Variants in EXOC6B observed in about 807,000 individuals in gnomAD.
EXOC6B encodes the protein exocyst complex component 6B.
A neutral mutation model predicts 113.5 loss-of-function variants in EXOC6B; 54 were observed. That is an observed-to-expected ratio of 0.48 (90% CI 0.38 to 0.60). The LOEUF is 0.60. Among genes scored for constraint, EXOC6B ranks in the 20% least tolerant of loss-of-function variants. The pLI, the probability that EXOC6B is intolerant of heterozygous loss-of-function variation, is 0.00. For missense variants in EXOC6B, 797 were observed against 977.5 expected (o/e 0.82, Z 2.46); for synonymous variants, 357 against 339.0 (o/e 1.05, Z -0.58).
At chr2:72,748,537 C>T (rs532031070) in intron 1 of EXOC6B, among the ~76,000 whole-genome samples, 112 of 152,110 alleles carry the variant, frequency 7.4e-4, no homozygotes, top group African/African-American at 2.6e-3. Flanking sequence ...ACAGGAGAAG[C>T]ATATGCTAGT....
At chr2:72,542,901 T>C (rs537371030) in intron 8 of EXOC6B, among the ~76,000 whole-genome samples, 1 of 151,958 alleles carries the variant, frequency 6.6e-6, no homozygotes, top group South Asian at 2.1e-4. Context: ...TACAACCAAA[T>C]TAGGTTGTAG....
At chr2:72,390,147 A>C (rs1187085470) in intron 18 of EXOC6B, among the ~76,000 whole-genome samples, 1 of 152,104 alleles carries the variant, frequency 6.6e-6, no homozygotes, top group African/African-American at 2.4e-5. Flanking sequence ...CATGATTTCC[A>C]TGGCTATGTC....
chr2:72,357,111 A>G (rs1690008391), intron 19 of EXOC6B, among the ~76,000 whole-genome samples: 1 of 152,204 alleles, frequency 6.6e-6, no homozygotes, highest in Non-Finnish European at 1.5e-5. Context: ...ATCTCATCAC[A>G]CAGGTGTTTT....
At chr2:72,391,799 T>C (rs1375348389) in intron 18 of EXOC6B, among the ~76,000 whole-genome samples, 4 of 152,150 alleles carry the variant, frequency 2.6e-5, no homozygotes, top group Admixed American at 6.5e-5. Flanking sequence ...CCCAACTACT[T>C]GGAAAGCTAA....
intron 6 of EXOC6B, among the ~76,000 whole-genome samples, chr2:72,600,642 G>A (rs1036863922): frequency 4.0e-5 from 6 of 151,850 alleles, no homozygotes; most frequent in Admixed American, 6.6e-5. Flanking sequence ...TGGAACAGCC[G>A]GAAAGCCTCA....
At chr2:72,337,325 G>A (rs1054065706) in intron 19 of EXOC6B, among the ~76,000 whole-genome samples, 5 of 152,104 alleles carry the variant, frequency 3.3e-5, no homozygotes, top group African/African-American at 1.2e-4. Flanking sequence ...CATAACTCAA[G>A]TCTATGCTGT....
intron 2 of EXOC6B, among the ~76,000 whole-genome samples, chr2:72,734,292 G>A (rs144971075): frequency 6.6e-6 from 1 of 152,152 alleles, no homozygotes; most frequent in Non-Finnish European, 1.5e-5. Context: ...TAAAGTACCA[G>A]AAAGGGAGGC....
chr2:72,224,992 G>GTATATATATATATATATA lies in EXOC6B; in HGVS notation c.2197-40806_2197-40805insTATATATATATATATATA, dbSNP rs1325223051. On this transcript the variant is annotated intron_variant, in intron 20 of 21. Transcript: ENST00000272427. ...TACATCTCTCTCTGTATGTGTGTGT[G>GTATATATATATATATATA]TGTATATATATATAAATACACATAC... Among the ~76,000 whole-genome samples, 265 of 118,182 alleles carry GTATATATATATATATATA rather than the reference G, an allele frequency of 2.2e-3. 2 individuals are homozygous for GTATATATATATATATATA. Among genetic ancestry groups the GTATATATATATATATATA allele is most frequent in the African/African-American group, 6.9e-3 (242 of 35,060 alleles). The allele number at this position is 118,182 out of a possible 152,430, so 77.5% of individuals were successfully genotyped here. A position where few individuals can be genotyped will look rare whatever the true frequency, so the allele number is the denominator to read the frequency against.
intron 1 of EXOC6B, among the ~76,000 whole-genome samples, chr2:72,785,214 G>C (rs571784971): frequency 6.6e-6 from 1 of 152,332 alleles, no homozygotes; most frequent in African/African-American, 2.4e-5. Flanking sequence ...GCAGGGTACA[G>C]CCTCCCTCTC....
At chr2:72,195,637 T>C (rs979991361) in intron 20 of EXOC6B, among the ~76,000 whole-genome samples, 2 of 152,110 alleles carry the variant, frequency 1.3e-5, no homozygotes, top group African/African-American at 2.4e-5. Context: ...GTGGCTTAAA[T>C]AAAATCCCTG....
At chr2:72,237,146 A>G (rs1682012235) in intron 20 of EXOC6B, among the ~76,000 whole-genome samples, 1 of 152,138 alleles carries the variant, frequency 6.6e-6, no homozygotes, top group African/African-American at 2.4e-5. Context: ...CATTCACTCA[A>G]AAATATTTAT....
At chr2:72,459,842 T>C (rs1265816831) in intron 18 of EXOC6B, among the ~76,000 whole-genome samples, 1 of 152,086 alleles carries the variant, frequency 6.6e-6, no homozygotes, top group African/African-American at 2.4e-5. Flanking sequence ...CTTCACAGAA[T>C]TGGAAAAAAC....
At chr2:72,719,720 A>T (rs1216898011) in intron 5 of EXOC6B, among the ~76,000 whole-genome samples, 1 of 152,226 alleles carries the variant, frequency 6.6e-6, no homozygotes, top group Non-Finnish European at 1.5e-5. Flanking sequence ...GAAATATGAT[A>T]CCTTGCTAGA....
At chr2:72,555,852 G>T (rs1056687344) in intron 8 of EXOC6B, among the ~76,000 whole-genome samples, 46 of 152,012 alleles carry the variant, frequency 3.0e-4, no homozygotes, top group African/African-American at 1.1e-3. Context: ...TCACCATGTT[G>T]CCAGGCTGGT....
Position 72,731,032 on chromosome 2 carries a change from G to A in EXOC6B, c.439C>T (p.Leu147=), listed in dbSNP as rs750379486. Residue 147 remains leucine, a synonymous_variant, in exon 5 of 22, where the codon CTG becomes TTG. Transcript: ENST00000272427. ...CTTTTAGTTTTCATCTGGTCCCTCA[G>A]TTTGCTGTACATCTCTAGGACTTAA... ...CLPVLEMYSK[L]RDQMKTKRHY... 5 of 1,544,232 alleles carry A rather than the reference G, an allele frequency of 3.2e-6. No homozygotes were observed. The Admixed American group carries it at 1.0e-4, about 32-fold the overall frequency.
At chr2:72,613,801 T>G (rs972226892) in intron 6 of EXOC6B, among the ~76,000 whole-genome samples, 3 of 151,986 alleles carry the variant, frequency 2.0e-5, no homozygotes, top group Non-Finnish European at 2.9e-5. Context: ...AAAAAATATC[T>G]TAGTGGCCTA....
At chr2:72,528,718 A>T (rs1701851964) in intron 8 of EXOC6B, among the ~76,000 whole-genome samples, 1 of 152,152 alleles carries the variant, frequency 6.6e-6, no homozygotes, top group Non-Finnish European at 1.5e-5. Flanking sequence ...ATCGATCAGC[A>T]TTTAGTAGTT....
intron 7 of EXOC6B, among the ~76,000 whole-genome samples, chr2:72,565,911 T>C (rs1017878349): frequency 1.2e-4 from 18 of 152,104 alleles, no homozygotes; most frequent in African/African-American, 4.3e-4. Context: ...AACAAAATTA[T>C]ACGTGCATTT....
intron 8 of EXOC6B, among the ~76,000 whole-genome samples, chr2:72,543,974 T>C (rs574154744): frequency 1.3e-5 from 2 of 152,326 alleles, no homozygotes; most frequent in East Asian, 3.9e-4. Context: ...TTCTTATTGT[T>C]CAGGAATACT....
Sources: gnomAD v4.1 joint callset for allele counts (sites outside exome capture counted in the v4.1 genomes callset) on GRCh38, gnomAD v4.1.1 for gene constraint, MANE v1.5 for transcripts, NCBI Gene and HGNC (gene_info 2026-07-23, HGNC 2026-07-21) for gene names.